The following SESN3 variants were observed in gnomAD, a reference collection of about 807,000 sequenced individuals.
SESN3 encodes the protein sestrin-3.
SESN3 carries 21 observed loss-of-function variants against 55.3 expected under a neutral mutation model. That is an observed-to-expected ratio of 0.38 (90% CI 0.27 to 0.55). The LOEUF is 0.55. Among genes scored for constraint, SESN3 ranks in the 20% least tolerant of loss-of-function variants. The pLI, the probability that SESN3 is intolerant of heterozygous loss-of-function variation, is 0.76. For missense variants in SESN3, 408 were observed against 604.3 expected (o/e 0.68, Z 3.41); for synonymous variants, 181 against 203.1 (o/e 0.89, Z 0.93).
rs1018446397 is a variant in SESN3 at position 95,166,792 on chromosome 11, T to C, written c.*6463A>G. On this transcript the variant is annotated 3_prime_UTR_variant, in exon 10 of 10. Transcript: ENST00000536441. ...CAAACTGGCTGTGGTTTGCTTTCTATGTCTCTTATTTTGGGTTGAAAAGAG... is the reference window on the plus strand; with the variant it reads ...CAAACTGGCTGTGGTTTGCTTTCTACGTCTCTTATTTTGGGTTGAAAAGAG... 1 of 152,252 alleles carries C rather than the reference T, an allele frequency of 6.6e-6. No individual in the cohort carries two copies. The highest frequency in any genetic ancestry group is 6.5e-5 in the Admixed American group (1 of 15,284). The allele number at this position is 152,252 out of a possible 1,614,324, so 9.4% of individuals were successfully genotyped here. A position where few individuals can be genotyped will look rare whatever the true frequency, so the allele number is the denominator to read the frequency against.
intron 6 of SESN3, 171 bp downstream of exon 6, chr11:95,184,249 G>T: frequency 4.8e-6 from 3 of 621,388 alleles, no homozygotes; most frequent in South Asian, 4.1e-5. Context: ...ATACATTCAA[G>T]GATGAACCAG....
intron 1 of SESN3, chr11:95,201,464 C>A (rs1860459706): frequency 6.6e-6 from 1 of 152,052 alleles, no homozygotes; most frequent in African/African-American, 2.4e-5. Context: ...TCCAAATAAG[C>A]TTTTGCTTGG....
intron 6 of SESN3, among the ~76,000 whole-genome samples, chr11:95,183,277 G>A (rs1452217177): frequency 2.6e-5 from 4 of 152,052 alleles, no homozygotes; most frequent in Non-Finnish European, 1.5e-5. Flanking sequence ...TTTAGTGACA[G>A]TAATCTTCAA....
At chr11:95,228,740 T>C (rs909041446) in intron 1 of SESN3, among the ~76,000 whole-genome samples, 3 of 152,192 alleles carry the variant, frequency 2.0e-5, no homozygotes, top group African/African-American at 7.2e-5. Flanking sequence ...GAATCAATAT[T>C]AAATACCTTG....
At chr11:95,199,951 A>T (rs1236203952) in intron 1 of SESN3, among the ~76,000 whole-genome samples, 1 of 152,090 alleles carries the variant, frequency 6.6e-6, no homozygotes, top group East Asian at 1.9e-4. Context: ...AGATATCCTT[A>T]GAAGATAATT....
At chr11:95,173,625 A>AT (rs1691891474) in intron 9 of SESN3, among the ~76,000 whole-genome samples, 1 of 152,162 alleles carries the variant, frequency 6.6e-6, no homozygotes, top group African/African-American at 2.4e-5. Flanking sequence ...ATTTTTATAA[A>AT]TTATAATTTT....
At chr11:95,211,603 C>CA (rs1052005542) in intron 1 of SESN3, among the ~76,000 whole-genome samples, 27 of 150,592 alleles carry the variant, frequency 1.8e-4, no homozygotes, top group Middle Eastern at 3.4e-3. Context: ...CCATCTCTAC[C>CA]AAAAAAAAAT....
chr11:95,189,217 C>T (rs1047344763), intron 4 of SESN3, among the ~76,000 whole-genome samples: 1 of 151,940 alleles, frequency 6.6e-6, no homozygotes, highest in Admixed American at 6.6e-5. Flanking sequence ...TTGATGGAAG[C>T]GCCTTCAGAA....
rs1859839802 is a variant in SESN3, at chr11:95,171,014, A to G, written c.*2241T>C. The G allele has an allele frequency of 6.6e-6, 1 of 152,176 alleles. No individual in the cohort carries two copies. The highest frequency in any genetic ancestry group is 2.4e-5 in the African/African-American group (1 of 41,452). The allele number at this position is 152,176 out of a possible 1,614,324, so 9.4% of individuals were successfully genotyped here. A position where few individuals can be genotyped will look rare whatever the true frequency, so the allele number is the denominator to read the frequency against. On this transcript the variant is annotated 3_prime_UTR_variant, in exon 10 of 10. Coordinates refer to ENST00000536441, the MANE Select transcript of SESN3 (RefSeq NM_144665.4). ...TGTTTCCCCTTTTGGTCTAAAGCTCATATGGTGTTCTGTGAGAATTTCTCC... is the reference window on the plus strand; with the variant it reads ...TGTTTCCCCTTTTGGTCTAAAGCTCGTATGGTGTTCTGTGAGAATTTCTCC...
chr11:95,175,899 A>C (rs779610569), intron 8 of SESN3, among the ~76,000 whole-genome samples: 2 of 152,218 alleles, frequency 1.3e-5, no homozygotes, highest in Non-Finnish European at 2.9e-5. Context: ...AAAAATTAAA[A>C]AGATAAACAC....
intron 1 of SESN3, among the ~76,000 whole-genome samples, chr11:95,222,402 G>A (rs1289874458): frequency 6.6e-6 from 1 of 152,146 alleles, no homozygotes; most frequent in Non-Finnish European, 1.5e-5. Flanking sequence ...AATAATCTTT[G>A]CTATTGCACT....
chr11:95,168,127 A>G lies in SESN3; in HGVS notation c.*5128T>C, dbSNP rs962619789. ...TAGGACCATCTAAATACCCTTTGCC[A>G]TATGTCATTCTATTAGAAATGTGTT... On this transcript the variant is annotated 3_prime_UTR_variant, in exon 10 of 10. Transcript: ENST00000536441. 2.0e-5 allele frequency: 3 copies of G among 152,180 alleles called. No individual in the cohort carries two copies. The highest frequency in any genetic ancestry group is 4.4e-5 in the Non-Finnish European group (3 of 68,014). 9.4% of individuals were successfully genotyped at this position (152,180 alleles called of 1,614,324 possible).
intron 8 of SESN3, among the ~76,000 whole-genome samples, chr11:95,177,031 ATATATC>A (rs1286352556): frequency 1.3e-5 from 2 of 152,194 alleles, no homozygotes; most frequent in Non-Finnish European, 2.9e-5. Context: ...TCTGTCTGAT[ATATATC>A]TATATAGTCA....
At chr11:95,212,929 C>T (rs1210516808) in intron 1 of SESN3, among the ~76,000 whole-genome samples, 1 of 152,038 alleles carries the variant, frequency 6.6e-6, no homozygotes, top group African/African-American at 2.4e-5. Flanking sequence ...CTGTACTATC[C>T]ATCACTTAAA....
chr11:95,170,387 TAATA>T lies in SESN3; in HGVS notation c.*2864_*2867del, dbSNP rs1859827298. 1 of 152,184 alleles carries T rather than the reference TAATA, an allele frequency of 6.6e-6. No homozygotes were observed. Among genetic ancestry groups the T allele is most frequent in the African/African-American group, 2.4e-5 (1 of 41,446 alleles). 9.4% of individuals were successfully genotyped at this position (152,184 alleles called of 1,614,324 possible). ...TGGACTATGAAGACTAATTTTAACA[TAATA>T]AGCAAAGAATTAAAGAATTCACATT... is the stretch of plus-strand genomic sequence containing the variant. On this transcript the variant is annotated 3_prime_UTR_variant, in exon 10 of 10. Transcript: ENST00000536441.
At chr11:95,199,424 G>T (rs938527345) in intron 1 of SESN3, among the ~76,000 whole-genome samples, 1 of 151,988 alleles carries the variant, frequency 6.6e-6, no homozygotes, top group Non-Finnish European at 1.5e-5. Flanking sequence ...GTAATTATCT[G>T]CTGGAAAACA....
chr11:95,185,229 T>C, intron 5 of SESN3, 27 bp downstream of exon 5: 1 of 1,377,942 alleles, frequency 7.3e-7, no homozygotes, highest in Non-Finnish European at 1.0e-6. Context: ...GCAAAAATAG[T>C]AAAGAAAAAT....
intron 1 of SESN3, among the ~76,000 whole-genome samples, chr11:95,214,947 A>G (rs1378861923): frequency 6.6e-6 from 1 of 152,186 alleles, no homozygotes; most frequent in Non-Finnish European, 1.5e-5. Context: ...TGTAGCAACA[A>G]TAAAATAAGA....
At chr11:95,197,499 C>CA (rs1190850293) in intron 1 of SESN3, among the ~76,000 whole-genome samples, 1 of 149,830 alleles carries the variant, frequency 6.7e-6, no homozygotes, top group African/African-American at 2.5e-5. Context: ...GGCTGCAGTG[C>CA]AATGGCACAA....
Sources: allele counts gnomAD v4.1 joint callset (sites outside exome capture counted in the v4.1 genomes callset), GRCh38; gene constraint gnomAD v4.1.1; transcripts MANE v1.5; gene names NCBI Gene and HGNC (gene_info 2026-07-23, HGNC 2026-07-21).